Variants in CSNK1G2 observed in about 807,000 individuals in gnomAD.
CSNK1G2 encodes the protein casein kinase I isoform gamma-2.
CSNK1G2 carries 11 observed loss-of-function variants against 48.0 expected under a neutral mutation model. The ratio of observed to expected loss-of-function variants is 0.23; its 90% CI spans 0.14 to 0.38. The LOEUF (loss-of-function observed/expected upper bound fraction) is 0.38, where lower values mean the gene tolerates loss of function less well. CSNK1G2 is among the 10% of genes least tolerant of loss of function. The probability of loss-of-function intolerance (pLI) is 1.00; values close to 1 mark genes in which losing one functional copy is unlikely to be tolerated. For missense variants in CSNK1G2, 446 were observed against 595.5 expected (o/e 0.75, Z 2.61); for synonymous variants, 337 against 254.1 (o/e 1.33, Z -3.10).
intron 1 of CSNK1G2, among the ~76,000 whole-genome samples, chr19:1,944,991 G>A (rs1162466175): frequency 1.3e-5 from 2 of 152,220 alleles, no homozygotes; most frequent in African/African-American, 4.8e-5. Context: ...AAGGGCATGG[G>A]ACAAAGCAGG....
chr19:1,945,007 C>T (rs1292611049), intron 1 of CSNK1G2, among the ~76,000 whole-genome samples: 1 of 152,210 alleles, frequency 6.6e-6, no homozygotes, highest in Non-Finnish European at 1.5e-5. Context: ...GCAGGACATG[C>T]CCCGGGTGGC....
rs2014487868 is a variant in CSNK1G2 at position 1,944,644 on chromosome 19, G to A, written c.-266+3226G>A. On this transcript the variant is annotated intron_variant, in intron 1 of 11. Coordinates refer to ENST00000255641, the MANE Select transcript of CSNK1G2 (RefSeq NM_001319.7). ...GTGCCGCCCTGTGACTGGCACGTGG[G>A]TGCAGCCGTCTGCTGGGTGGGTCTG... 2.0e-5 allele frequency among the ~76,000 whole-genome samples: 3 copies of A among 151,788 alleles called. No individual in the cohort carries two copies. In the East Asian group the frequency reaches 5.8e-4, roughly 30 times the overall value.
intron 2 of CSNK1G2, among the ~76,000 whole-genome samples, chr19:1,977,759 A>G (rs1356963327): frequency 2.7e-5 from 4 of 150,818 alleles, no homozygotes; most frequent in Admixed American, 1.3e-4. Context: ...TCAAAAAAAA[A>G]AAAAAAAAAA....
chr19:1,963,270 CAG>C (rs1356523818), intron 1 of CSNK1G2, among the ~76,000 whole-genome samples: 19 of 152,112 alleles, frequency 1.2e-4, no homozygotes, highest in African/African-American at 4.1e-4. Flanking sequence ...TTTTTTGAGA[CAG>C]AGTCTCCCTC....
intron 1 of CSNK1G2, among the ~76,000 whole-genome samples, chr19:1,955,857 C>G (rs150347772): frequency 6.6e-6 from 1 of 152,202 alleles, no homozygotes; most frequent in Non-Finnish European, 1.5e-5. Context: ...GCCCTGAGGC[C>G]GGGCACAGGG....
intron 1 of CSNK1G2, chr19:1,959,284 C>G (rs2015110888): frequency 6.6e-6 from 1 of 152,202 alleles, no homozygotes; most frequent in African/African-American, 2.4e-5. Context: ...AGGGTTTTGG[C>G]AGCTCCCTCT....
At position 1,957,894 on chromosome 19, in the gene CSNK1G2, G is replaced by A. The variant is rs2015054231; in HGVS notation, c.-265-11614G>A. Among the ~76,000 whole-genome samples, 1 of 152,154 alleles carries A rather than the reference G, an allele frequency of 6.6e-6. No homozygotes were observed. The highest frequency in any genetic ancestry group is 1.9e-4 in the East Asian group (1 of 5,190). ...CGGCGGGCACTGTGTGTGTGGCACG[G>A]CCACTGCTTAGGGCCCCCTGGAGCT... On this transcript the variant is annotated intron_variant, in intron 1 of 11. Transcript: ENST00000255641. The surrounding 1 kb of genome is among the most constrained non-coding windows in gnomAD (Gnocchi z 5.4).
At chr19:1,950,408 G>A (rs1025340504) in intron 1 of CSNK1G2, among the ~76,000 whole-genome samples, 12 of 147,004 alleles carry the variant, frequency 8.2e-5, no homozygotes, top group South Asian at 2.2e-4. Flanking sequence ...CAAAGTGCTG[G>A]GATTACAGGC....
At chr19:1,970,633 C>T (rs766504931) in intron 2 of CSNK1G2, among the ~76,000 whole-genome samples, 2 of 152,184 alleles carry the variant, frequency 1.3e-5, no homozygotes, top group African/African-American at 2.4e-5. Context: ...CCTTTGGGGC[C>T]GTTCCCAGTC....
rs780549976 is a variant in CSNK1G2, at chr19:1,980,205, C to G, written c.*2C>G. ...AAATCGCTGCAGCGACACAAGTGAC[C>G]CTGGGCGCGTGCAGCCCCCTGAATC... is the stretch of plus-strand genomic sequence containing the variant. On this transcript the variant is annotated 3_prime_UTR_variant, in exon 12 of 12. Coordinates refer to ENST00000255641, the MANE Select transcript of CSNK1G2 (RefSeq NM_001319.7). 6.2e-7 allele frequency: 1 copy of G among 1,612,728 alleles called. No individual in the cohort carries two copies.
chr19:1,975,576 G>A, intron 2 of CSNK1G2: 1 of 985,440 alleles, frequency 1.0e-6, no homozygotes, highest in Non-Finnish European at 1.2e-6. Context: ...CCACCGCAGG[G>A]GCAGCCTTTT....
At chr19:1,970,109 C>G (rs1199407620) in intron 2 of CSNK1G2, 150 bp downstream of exon 2, 7 of 520,260 alleles carry the variant, frequency 1.3e-5, no homozygotes, top group Non-Finnish European at 1.8e-5. Context: ...ATCATCAGTC[C>G]GTCGTGGTGC....
chr19:1,953,272 G>A (rs991425186), intron 1 of CSNK1G2: 43 of 436,802 alleles, frequency 9.8e-5, no homozygotes, highest in Non-Finnish European at 1.9e-4. Flanking sequence ...GGCAAGACCA[G>A]GTCAGCTCTG....
intron 1 of CSNK1G2, among the ~76,000 whole-genome samples, chr19:1,965,004 G>T (rs1381001296): frequency 6.6e-6 from 1 of 151,164 alleles, no homozygotes. Flanking sequence ...GGGATTACAG[G>T]TGTGAGCCAC....
At chr19:1,963,304 C>T (rs968879170) in intron 1 of CSNK1G2, among the ~76,000 whole-genome samples, 9 of 152,098 alleles carry the variant, frequency 5.9e-5, no homozygotes, top group African/African-American at 2.2e-4. Context: ...CTCCACCTCC[C>T]GGGTTCATGC....
chr19:1,977,481 A>C (rs1394662066), intron 2 of CSNK1G2, among the ~76,000 whole-genome samples: 4 of 152,170 alleles, frequency 2.6e-5, no homozygotes, highest in Non-Finnish European at 4.4e-5. Flanking sequence ...TGGCCTGTAC[A>C]GGGGCTCCCG....
intron 1 of CSNK1G2, among the ~76,000 whole-genome samples, chr19:1,963,735 T>A (rs531613661): frequency 6.6e-6 from 1 of 151,874 alleles, no homozygotes; most frequent in South Asian, 2.1e-4. Context: ...CTTGAACTCC[T>A]GACCTCAAGT....
At chr19:1,979,691 C>T (rs765889150) in intron 9 of CSNK1G2, 48 bp downstream of exon 9, 1 of 1,601,906 alleles carries the variant, frequency 6.2e-7, no homozygotes, top group Non-Finnish European at 8.5e-7. Flanking sequence ...CGGGAAACTG[C>T]CCTGAGGGAG....
intron 1 of CSNK1G2, chr19:1,968,753 C>A (rs1199931195): frequency 6.5e-6 from 1 of 152,678 alleles, no homozygotes; most frequent in Non-Finnish European, 1.5e-5. Context: ...TGGCTGTTGG[C>A]TCCGCTGGTC....
Sources: allele counts gnomAD v4.1 joint callset (sites outside exome capture counted in the v4.1 genomes callset), GRCh38; gene constraint gnomAD v4.1.1; non-coding constraint Gnocchi (gnomAD v3.1); transcripts MANE v1.5; gene names NCBI Gene and HGNC (gene_info 2026-07-23, HGNC 2026-07-21).